The following NLRP12 variants were observed in gnomAD, a reference collection of about 807,000 sequenced individuals.
The protein encoded by NLRP12 is NACHT, LRR and PYD domains-containing protein 12.
In NLRP12, 108 loss-of-function variants were observed where a neutral mutation model predicts 91.2. The ratio of observed to expected loss-of-function variants is 1.18; its 90% CI spans 1.01 to 1.39. The LOEUF (loss-of-function observed/expected upper bound fraction) is 1.39. Among genes scored for constraint, NLRP12 ranks in the 40% most tolerant of loss-of-function variants. The probability of loss-of-function intolerance (pLI) is 0.00; values close to 1 mark genes in which losing one functional copy is unlikely to be tolerated. For synonymous variants in NLRP12, 613 were observed against 566.7 expected (o/e 1.08, Z -1.16); for missense variants, 1,530 against 1,352.7 (o/e 1.13, Z -2.06).
chr19:53,822,788 G>A (rs1279049126), intron 1 of NLRP12, among the ~76,000 whole-genome samples: 1 of 147,996 alleles, frequency 6.8e-6, no homozygotes, highest in African/African-American at 2.5e-5. Context: ...TTATTTTTGA[G>A]ATGGGGTTTC....
chr19:53,820,513 GAGTGAGA>G (rs1229911648), intron 1 of NLRP12, among the ~76,000 whole-genome samples: 1 of 150,752 alleles, frequency 6.6e-6, no homozygotes, highest in African/African-American at 2.4e-5. Context: ...CTGGGCGACA[GAGTGAGA>G]CTCTGTCTCA....
intron 3 of NLRP12, 57 bp downstream of exon 3, chr19:53,809,530 A>AAC: frequency 1.5e-6 from 2 of 1,363,184 alleles, no homozygotes; most frequent in Non-Finnish European, 2.0e-6. Flanking sequence ...AAAAAAAAAA[A>AAC]AAAAAAAAAA....
rs140585311 is a variant in NLRP12 at position 53,810,707 on chromosome 19, G to A, written c.952C>T (p.Arg318Trp). 6.8e-6 allele frequency: 11 copies of A among 1,613,882 alleles called. No homozygotes were observed. Among genetic ancestry groups the A allele is most frequent in the Non-Finnish European group, 6.8e-6 (8 of 1,180,024 alleles). ...CTGTTAAGAAGCAGCTCCGTGGGCC[G>A]TTTCTCCTCCCAGCAGAGGCACCAG... ...GPWCLCWEEK[R>W]PTELLLNSLI... The change falls in exon 3 of 10, where the codon CGG becomes TGG. Residue 318 changes from arginine to tryptophan, a missense_variant. By Grantham distance (101) the Arg-to-Trp change is moderately radical. Transcript: ENST00000324134.
upstream of NLRP12, chr19:53,824,402 C>G: frequency 1.8e-6 from 1 of 555,624 alleles, no homozygotes; most frequent in Non-Finnish European, 3.2e-6. Flanking sequence ...AATGGCTGTT[C>G]TGGGTGGAGA....
chr19:53,809,777 G>A lies in NLRP12; in HGVS notation c.1882C>T (p.Gln628Ter), dbSNP rs2092029966. Reference sequence around the variant, plus strand: ...ATCACCTGGAAGTGGCTCAGGGCCTGCTGGATAAACTCCTCCTCCTGGATC... The same window carrying A: ...ATCACCTGGAAGTGGCTCAGGGCCTACTGGATAAACTCCTCCTCCTGGATC... ...YEIQEEEFIQ[Q>*]ALSHFQVIVV... is the part of the protein sequence containing the mutation. Residue 628 changes from glutamine (Q) to a stop codon, truncating the protein, a stop_gained, in exon 3 of 10, where the codon CAG (glutamine) becomes TAG (stop). Coordinates refer to ENST00000324134, the MANE Select transcript of NLRP12 (RefSeq NM_144687.4). LOFTEE classifies it high-confidence loss of function. The A allele has an allele frequency of 6.2e-7, 1 of 1,614,042 alleles. No homozygotes were observed.
chr19:53,802,619 A>G (rs1300903730), intron 6 of NLRP12, among the ~76,000 whole-genome samples: 1 of 151,410 alleles, frequency 6.6e-6, no homozygotes, highest in African/African-American at 2.4e-5. Flanking sequence ...AGGCAGGAGA[A>G]TGGTGTGAAC....
chr19:53,814,769 A>G, intron 2 of NLRP12, 139 bp downstream of exon 2: 2 of 746,742 alleles, frequency 2.7e-6, no homozygotes, highest in East Asian at 5.1e-5. Context: ...GTTGAAACAC[A>G]GGAGGAAACT....
chr19:53,801,145 C>T lies in NLRP12; in HGVS notation c.2756+82G>A. The T allele has an allele frequency of 2.4e-6, 3 of 1,252,858 alleles. No individual in the cohort carries two copies. In the East Asian group the frequency reaches 7.0e-5, roughly 29 times the overall value. The allele number at this position is 1,252,858 out of a possible 1,614,324, so 77.6% of individuals were successfully genotyped here. On this transcript the variant is annotated intron_variant, in intron 7 of 9. Transcript: ENST00000324134. ...AGTAGCTAGAGTTTAGGAGCAGAGA[C>T]AACCTGGCCTCCGTGGTCCCAGGTG...
intron 7 of NLRP12, among the ~76,000 whole-genome samples, chr19:53,800,991 G>C (rs955162740): frequency 1.3e-5 from 2 of 151,404 alleles, no homozygotes; most frequent in Admixed American, 6.6e-5. Flanking sequence ...TCAGTAGATC[G>C]AGACCATCCT....
rs771048449 is a variant in NLRP12, at chr19:53,809,706, C to A, written c.1953G>T (p.Ser651=). The A allele has an allele frequency of 1.2e-6, 2 of 1,614,096 alleles. No homozygotes were observed. The highest frequency in any genetic ancestry group is 1.7e-6 in the Non-Finnish European group (2 of 1,180,014). Residue 651 remains serine (S), a synonymous_variant, in exon 3 of 10, where the codon TCG becomes TCT. Transcript: ENST00000324134. ...IASKMEHMVS[S]FCLKRCRSAQ... ...CGCTCCTGCAGCGCTTCAGACAGAACGAGGAGACCATGTGCTCCATCTTGG... is the reference window on the plus strand; with the variant it reads ...CGCTCCTGCAGCGCTTCAGACAGAAAGAGGAGACCATGTGCTCCATCTTGG...
intron 7 of NLRP12, among the ~76,000 whole-genome samples, chr19:53,799,583 A>G (rs916864368): frequency 6.6e-6 from 1 of 151,716 alleles, no homozygotes; most frequent in South Asian, 2.1e-4. Context: ...TCCCGGGTTC[A>G]AGCAATTCTT....
intron 7 of NLRP12, among the ~76,000 whole-genome samples, chr19:53,800,706 G>A (rs1039253205): frequency 3.3e-5 from 5 of 151,320 alleles, no homozygotes; most frequent in Admixed American, 6.6e-5. Flanking sequence ...CCTCAGCCTC[G>A]CGAGTAGCTG....
At position 53,809,987 on chromosome 19, in the gene NLRP12, G is replaced by A. The variant is rs779482271; in HGVS notation, c.1672C>T (p.Leu558Phe). 3.7e-6 allele frequency: 6 copies of A among 1,614,132 alleles called. No individual in the cohort carries two copies. The highest frequency in any genetic ancestry group is 1.6e-4 in the Middle Eastern group (1 of 6,062). Residue 558 changes from leucine (L) to phenylalanine (F), a missense_variant, in exon 3 of 10, where the codon CTC becomes TTC. By Grantham distance (22) the Leu-to-Phe change is conservative. Transcript: ENST00000324134. ...YAFSERSFLA[L>F]TSRFLFGLLN... The stretch of plus-strand genomic sequence containing the variant: ...AGTCCAAACAGGAAGCGGCTGGTGA[G>A]TGCCAGGAAGCTCCTTTCAGAAAAC...
intron 2 of NLRP12, among the ~76,000 whole-genome samples, chr19:53,814,148 G>A (rs1436623290): frequency 2.0e-5 from 3 of 152,150 alleles, no homozygotes; most frequent in East Asian, 1.9e-4. Context: ...GTTGGTGGAT[G>A]CTGATTCATG....
Position 53,824,008 on chromosome 19 carries a change from A to G in NLRP12, c.167T>C (p.Met56Thr). Reference protein sequence around the residue: ...GSMEKAGPLEMAQLLITHFGP... With the variant: ...GSMEKAGPLETAQLLITHFGP... ...GAAGTGGGTGATGAGCAGCTGGGCC[A>G]TTTCCAGGGGACCGGCCTTCTCCAT... The change falls in exon 1 of 10, where the codon ATG becomes ACG. Residue 56 changes from methionine to threonine, a missense_variant. By Grantham distance (81) the Met-to-Thr change is moderately conservative. Coordinates refer to ENST00000324134, the MANE Select transcript of NLRP12 (RefSeq NM_144687.4). 1 of 1,614,164 alleles carries G rather than the reference A, an allele frequency of 6.2e-7. No homozygotes were observed. The highest frequency in any genetic ancestry group is 2.2e-5 in the East Asian group (1 of 44,886).
chr19:53,794,266 C>G, intron 9 of NLRP12, 130 bp from the exon 10 acceptor site: 2 of 755,742 alleles, frequency 2.6e-6, no homozygotes, highest in Non-Finnish European at 4.8e-6. Context: ...CCCAACGCTG[C>G]TGGAAAGTAG....
intron 1 of NLRP12, among the ~76,000 whole-genome samples, chr19:53,818,139 T>C (rs940023031): frequency 6.6e-6 from 1 of 150,634 alleles, no homozygotes; most frequent in Admixed American, 6.7e-5. Context: ...GCTGGAGTAG[T>C]GTGGCATGAT....
At chr19:53,812,135 C>T (rs1307338489) in intron 2 of NLRP12, among the ~76,000 whole-genome samples, 1 of 145,154 alleles carries the variant, frequency 6.9e-6, no homozygotes, top group Non-Finnish European at 1.5e-5. Flanking sequence ...GCTTCTCAAA[C>T]TTTTTTTTTT....
rs866321250 is a variant in NLRP12, at chr19:53,806,700, A to G, written c.2243+795T>C. Reference sequence around the variant, plus strand: ...GTCTCAAAAAAAAAAAAAAAAAAAAAAAAAGAAATTAGCCGGGTGTGGTTG... The same window carrying G: ...GTCTCAAAAAAAAAAAAAAAAAAAAGAAAAGAAATTAGCCGGGTGTGGTTG... On this transcript the variant is annotated intron_variant, in intron 4 of 9. Transcript: ENST00000324134. Among the ~76,000 whole-genome samples the G allele has an allele frequency of 2.8e-3, 421 of 148,460 alleles. 3 individuals carry two copies. Among genetic ancestry groups the G allele is most frequent in the African/African-American group, 9.8e-3 (391 of 39,992 alleles).
Sources: allele counts gnomAD v4.1 joint callset (sites outside exome capture counted in the v4.1 genomes callset), GRCh38; gene constraint gnomAD v4.1.1; transcripts MANE v1.5; gene names NCBI Gene and HGNC (gene_info 2026-07-23, HGNC 2026-07-21).